Variants in DCLK3 observed in about 807,000 individuals in gnomAD.
DCLK3 encodes doublecortin like kinase 3, also known as serine/threonine-protein kinase DCLK3.
DCLK3 carries 30 observed loss-of-function variants against 46.4 expected under a neutral mutation model. That is an observed-to-expected ratio of 0.65 (90% confidence interval 0.48 to 0.88). The LOEUF (loss-of-function observed/expected upper bound fraction) is 0.88. Ranked by LOEUF, DCLK3 falls within the 40% of genes least tolerant of loss-of-function variation. The pLI, the probability that DCLK3 is intolerant of heterozygous loss-of-function variation, is 0.00. For synonymous variants in DCLK3, 401 were observed against 339.2 expected, an observed-to-expected ratio of 1.18 and a Z score of -2.00; for missense variants, 846 against 907.1, an observed-to-expected ratio of 0.93 and a Z score of 0.87.
At chr3:36,717,853 G>T (rs1342528708) in intron 4 of DCLK3, among the ~76,000 whole-genome samples, 157 bp downstream of exon 4, 2 of 152,160 alleles carry the variant, frequency 1.3e-5, no homozygotes, top group Non-Finnish European at 2.9e-5. Flanking sequence ...TTTTCAGAGT[G>T]CTACACAAAC....
chr3:36,760,960 T>C (rs1476041771), intron 1 of DCLK3, among the ~76,000 whole-genome samples: 3 of 152,222 alleles, frequency 2.0e-5, no homozygotes, highest in Admixed American at 6.5e-5. Flanking sequence ...CAGGATCACA[T>C]GGGTTTGAGG....
chr3:36,761,750 A>G (rs1439635898), intron 1 of DCLK3, among the ~76,000 whole-genome samples: 1 of 152,112 alleles, frequency 6.6e-6, no homozygotes, highest in East Asian at 1.9e-4. Flanking sequence ...CCTCACCGTC[A>G]AGACAAGACC....
intron 2 of DCLK3, among the ~76,000 whole-genome samples, chr3:36,726,518 G>A (rs1701127348): frequency 6.6e-6 from 1 of 152,124 alleles, no homozygotes; most frequent in African/African-American, 2.4e-5. Context: ...GTGGGCAGTA[G>A]AGGAACTCTG....
chr3:36,731,057 T>C (rs1412890660), intron 2 of DCLK3, among the ~76,000 whole-genome samples: 1 of 152,090 alleles, frequency 6.6e-6, no homozygotes, highest in Non-Finnish European at 1.5e-5. Flanking sequence ...TTATTCTGAA[T>C]GTGAATGCGA....
At chr3:36,742,976 G>C (rs1013684668) in intron 1 of DCLK3, among the ~76,000 whole-genome samples, 2 of 152,098 alleles carry the variant, frequency 1.3e-5, no homozygotes, top group Admixed American at 6.5e-5. Context: ...AGGCCTGCCC[G>C]AGTCCACTCA....
intron 1 of DCLK3, among the ~76,000 whole-genome samples, chr3:36,756,567 G>T (rs1020968604): frequency 2.0e-5 from 3 of 152,150 alleles, no homozygotes; most frequent in African/African-American, 7.2e-5. Context: ...AGGGGACTTT[G>T]GTTGTAGCCC....
Position 36,737,819 on chromosome 3 carries a change from G to A in DCLK3, c.1348C>T (p.Gln450Ter). The change falls in exon 2 of 5, where the codon CAG becomes TAG. Residue 450 changes from glutamine (Q) to a stop codon, truncating the protein, a stop_gained. Transcript: ENST00000636136. LOFTEE classifies it high-confidence loss of function. This position sits in a 1 kb window ranked among gnomAD's most constrained non-coding sequence, Gnocchi z 4.4. The stretch of plus-strand genomic sequence containing the variant: ...CTGCGGAGCTTCTCAAAGCCCGCCT[G>A]GTGCTCTCTCAGGAGCCAGCCACCA... ...KHGGWLLREHQAGFEKLRRTR... is the reference protein window; with the variant it reads ...KHGGWLLREH 2.5e-6 allele frequency: 4 copies of A among 1,614,040 alleles called. No homozygotes were observed. Among genetic ancestry groups the A allele is most frequent in the Non-Finnish European group, 3.4e-6 (4 of 1,180,036 alleles).
chr3:36,736,781 C>T (rs972147101), intron 2 of DCLK3, among the ~76,000 whole-genome samples: 2 of 152,192 alleles, frequency 1.3e-5, no homozygotes, highest in South Asian at 2.1e-4. Context: ...ACCTTTTCAC[C>T]TTTTGAGCTG....
intron 1 of DCLK3, among the ~76,000 whole-genome samples, chr3:36,749,438 C>T (rs759590985): frequency 3.3e-5 from 5 of 152,254 alleles, no homozygotes; most frequent in South Asian, 2.1e-4. Context: ...CAGACCCTCA[C>T]CACATTCCAT....
chr3:36,716,248 A>G (rs1700978834), intron 4 of DCLK3, among the ~76,000 whole-genome samples: 1 of 151,992 alleles, frequency 6.6e-6, no homozygotes, highest in African/African-American at 2.4e-5. Context: ...TCTTCCAATC[A>G]CTCAAGATAT....
At position 36,721,507 on chromosome 3, in the gene DCLK3, G is replaced by A; in HGVS notation, c.2092+20C>T. 6.2e-7 allele frequency: 1 copy of A among 1,612,968 alleles called. No homozygotes were observed. The highest frequency in any genetic ancestry group is 8.5e-7 in the Non-Finnish European group (1 of 1,179,518). On this transcript the variant is annotated intron_variant, in intron 3 of 4. Transcript: ENST00000636136. Reference sequence around the variant, plus strand: ...TTAGTAAGGGAACTAGAGTCCCACAGATCGATGTGTAACACTTACCTTTCT... The same window carrying A: ...TTAGTAAGGGAACTAGAGTCCCACAAATCGATGTGTAACACTTACCTTTCT...
rs750714938 is a variant in DCLK3, at chr3:36,738,538, C to T, written c.629G>A (p.Ser210Asn). The T allele has an allele frequency of 6.6e-7, 1 of 1,509,244 alleles. No individual in the cohort carries two copies. The highest frequency in any genetic ancestry group is 8.9e-7 in the Non-Finnish European group (1 of 1,128,678). The allele number at this position is 1,509,244 out of a possible 1,614,324, so 93.5% of individuals were successfully genotyped here. The change falls in exon 2 of 5, where the codon AGC (serine) becomes AAC (asparagine). Residue 210 changes from serine to asparagine, a missense_variant. Physicochemically the swap from Ser to Asn is conservative, Grantham distance 46 (BLOSUM62 1). This residue lies in a region of DCLK3 where 553 missense variants were observed against 543.0 expected (regional missense o/e 1.02). Transcript: ENST00000636136. The stretch of plus-strand genomic sequence containing the variant: ...TTTCAGAGCCTTGCTAAACAGCCTG[C>T]TCCTCAGCCTTGGAGAAGGGGCACG... ...HSRAPSPRLR[S>N]RLFSKALKGD... is the part of the protein sequence containing the mutation.
chr3:36,737,948 C>G lies in DCLK3; in HGVS notation c.1219G>C (p.Gly407Arg), dbSNP rs775928320. 1.9e-6 allele frequency: 3 copies of G among 1,614,020 alleles called. No individual in the cohort carries two copies. The highest frequency in any genetic ancestry group is 2.5e-6 in the Non-Finnish European group (3 of 1,180,022). The change falls in exon 2 of 5, where the codon GGA (glycine) becomes CGA (arginine). Residue 407 changes from glycine to arginine, a missense_variant. Physicochemically the swap from Gly to Arg is moderately radical, Grantham distance 125. Coordinates refer to ENST00000636136, the MANE Select transcript of DCLK3 (RefSeq NM_001394672.2). The surrounding 1 kb of genome is among the most constrained non-coding windows in gnomAD (Gnocchi z 4.4). ...AGGTCCTTCTTGGCCTTGGCTGCTC[C>G]CTGAGCATGGCTTTCTTGATCCTCT... ...GPEDQESHAQ[G>R]AAKAKKDLVE...
intron 1 of DCLK3, among the ~76,000 whole-genome samples, chr3:36,750,254 G>A (rs956378435): frequency 2.0e-5 from 3 of 151,974 alleles, no homozygotes; most frequent in South Asian, 2.1e-4. Context: ...TTAATTTTTT[G>A]TATTTTTAGT....
At chr3:36,716,177 G>A (rs966375939) in intron 4 of DCLK3, among the ~76,000 whole-genome samples, 7 of 152,196 alleles carry the variant, frequency 4.6e-5, no homozygotes, top group African/African-American at 1.7e-4. Flanking sequence ...GCAGCAGGCA[G>A]AAAGCAGAAG....
chr3:36,757,934 A>G (rs540334707), intron 1 of DCLK3, among the ~76,000 whole-genome samples: 4 of 151,942 alleles, frequency 2.6e-5, no homozygotes, highest in African/African-American at 9.7e-5. Flanking sequence ...CCTCTCTCCC[A>G]TTACCTTAAC....
At chr3:36,731,914 G>A (rs1448294129) in intron 2 of DCLK3, among the ~76,000 whole-genome samples, 1 of 152,196 alleles carries the variant, frequency 6.6e-6, no homozygotes, top group African/African-American at 2.4e-5. Context: ...TCAGAAACTT[G>A]AGATTTACTA....
chr3:36,749,271 A>C (rs1701418894), intron 1 of DCLK3, among the ~76,000 whole-genome samples: 1 of 152,160 alleles, frequency 6.6e-6, no homozygotes, highest in South Asian at 2.1e-4. Context: ...GGGAGCCTTC[A>C]AGTACTCTGG....
At chr3:36,759,594 C>T (rs968801325) in intron 1 of DCLK3, among the ~76,000 whole-genome samples, 12 of 152,246 alleles carry the variant, frequency 7.9e-5, no homozygotes, top group African/African-American at 2.9e-4. Flanking sequence ...ACTTCATGAA[C>T]TGAGCTCTGC....
Sources: allele counts gnomAD v4.1 joint callset (sites outside exome capture counted in the v4.1 genomes callset), GRCh38; gene constraint gnomAD v4.1.1; regional missense constraint gnomAD v4.1.1; non-coding constraint Gnocchi (gnomAD v3.1); transcripts MANE v1.5; gene names NCBI Gene and HGNC (gene_info 2026-07-23, HGNC 2026-07-21).